Variants in GALNT13 observed in about 807,000 individuals in gnomAD.
The protein encoded by GALNT13 is polypeptide N-acetylgalactosaminyltransferase 13.
In GALNT13, 28 loss-of-function variants were observed where a neutral mutation model predicts 64.2. The observed-to-expected ratio is 0.44, with a 90% CI of 0.32 to 0.60. The LOEUF (loss-of-function observed/expected upper bound fraction) is 0.60. Ranked by LOEUF, GALNT13 falls within the 20% of genes least tolerant of loss-of-function variation. GALNT13 has a pLI of 0.05. For missense variants in GALNT13, 577 were observed against 669.8 expected (o/e 0.86, Z 1.53); for synonymous variants, 214 against 224.6 (o/e 0.95, Z 0.42).
chr2:153,901,913 C>T (rs1267985474), intron 2 of GALNT13, among the ~76,000 whole-genome samples: 4 of 152,098 alleles, frequency 2.6e-5, no homozygotes, highest in Non-Finnish European at 4.4e-5. Flanking sequence ...TCTTGCACTC[C>T]TTTTTAGTTG....
chr2:154,338,865 T>C (rs191187637), intron 9 of GALNT13, among the ~76,000 whole-genome samples: 10 of 152,196 alleles, frequency 6.6e-5, no homozygotes, highest in Admixed American at 6.5e-4. Context: ...AGTTGTCTAC[T>C]ATATCTAGGA....
At chr2:153,678,276 C>A in the GALNT13 span, among the ~76,000 whole-genome samples, 1 of 151,622 alleles carries the variant, frequency 6.6e-6, no homozygotes, top group African/African-American at 2.4e-5. Context: ...ATGGAATCAA[C>A]ATAGGTGTCC....
At chr2:153,294,534 AG>A in the GALNT13 span, among the ~76,000 whole-genome samples, 3 of 152,110 alleles carry the variant, frequency 2.0e-5, no homozygotes, top group African/African-American at 7.2e-5. Context: ...ATTATTTCCA[AG>A]GGGTTGTGCA....
chr2:153,532,982 G>T, the GALNT13 span, among the ~76,000 whole-genome samples: 1 of 152,236 alleles, frequency 6.6e-6, no homozygotes, highest in African/African-American at 2.4e-5. Flanking sequence ...TAATTATTAG[G>T]CATTGCCTGC....
intron 7 of GALNT13, among the ~76,000 whole-genome samples, chr2:154,253,340 T>A (rs1690188875): frequency 6.6e-6 from 1 of 152,202 alleles, no homozygotes; most frequent in African/African-American, 2.4e-5. Flanking sequence ...AATACAGACA[T>A]TACATTTTAG....
At chr2:154,417,282 C>CAAAA (rs35825821) in intron 11 of GALNT13, among the ~76,000 whole-genome samples, 3 of 75,122 alleles carry the variant, frequency 4.0e-5, no homozygotes, top group South Asian at 4.2e-4. Flanking sequence ...AAACAAGCAC[C>CAAAA]AAAAAAAAAA....
In GALNT13 at chr2:154,099,657, G is replaced by A. The variant is rs142492782; in HGVS notation, c.143-40680G>A. Among the ~76,000 whole-genome samples the A allele has an allele frequency of 6.6e-5, 10 of 152,056 alleles. No homozygotes were observed. In the South Asian group the frequency reaches 1.0e-3, roughly 16 times the overall value. ...TGGCTAGCCAATTTTCCCAGCACCGGTCAGGCACGGAGGCTCATACCTGTA... is the reference window on the plus strand; with the variant it reads ...TGGCTAGCCAATTTTCCCAGCACCGATCAGGCACGGAGGCTCATACCTGTA... On this transcript the variant is annotated intron_variant, in intron 3 of 12. Coordinates refer to ENST00000392825, the MANE Select transcript of GALNT13 (RefSeq NM_052917.4).
the GALNT13 span, among the ~76,000 whole-genome samples, chr2:153,249,083 T>A: frequency 2.0e-5 from 3 of 152,184 alleles, no homozygotes; most frequent in Non-Finnish European, 4.4e-5. Context: ...AGAGAGAAAG[T>A]TAAATTATCT....
At chr2:153,135,782 T>C in the GALNT13 span, among the ~76,000 whole-genome samples, 1 of 152,034 alleles carries the variant, frequency 6.6e-6, no homozygotes, top group East Asian at 1.9e-4. Context: ...TTAGGGTATA[T>C]TTGGGGTAAG....
chr2:154,142,244 T>C (rs1683297779), intron 4 of GALNT13, among the ~76,000 whole-genome samples: 1 of 152,096 alleles, frequency 6.6e-6, no homozygotes, highest in Non-Finnish European at 1.5e-5. Context: ...CTTTCTGAAT[T>C]ACTTCATATA....
intron 3 of GALNT13, among the ~76,000 whole-genome samples, chr2:154,107,593 A>AT (rs1239820633): frequency 6.6e-6 from 1 of 151,648 alleles, no homozygotes; most frequent in East Asian, 1.9e-4. Context: ...CATCACAAAA[A>AT]AAAAAAAAAA....
chr2:154,121,941 CCTT>C (rs1341749712), intron 3 of GALNT13, among the ~76,000 whole-genome samples: 4 of 151,958 alleles, frequency 2.6e-5, no homozygotes, highest in African/African-American at 9.7e-5. Context: ...GTGGAGGAAA[CCTT>C]CTAGTCTTTT....
At chr2:153,271,165 A>G in the GALNT13 span, among the ~76,000 whole-genome samples, 1 of 152,186 alleles carries the variant, frequency 6.6e-6, no homozygotes, top group East Asian at 1.9e-4. Context: ...CAAATATCAT[A>G]CTGAATGGGC....
At chr2:153,100,001 T>G in the GALNT13 span, among the ~76,000 whole-genome samples, 1 of 152,148 alleles carries the variant, frequency 6.6e-6, no homozygotes, top group East Asian at 1.9e-4. Context: ...GAAATTGGAT[T>G]GGGAAAAAGA....
chr2:153,882,021 G>A (rs192988468), intron 1 of GALNT13, among the ~76,000 whole-genome samples: 29 of 152,052 alleles, frequency 1.9e-4, no homozygotes, highest in African/African-American at 7.0e-4. Flanking sequence ...TTCAATAGAT[G>A]AGTATCCATT....
intron 2 of GALNT13, among the ~76,000 whole-genome samples, chr2:153,920,790 AC>A (rs1047351613): frequency 7.9e-5 from 12 of 152,204 alleles, no homozygotes; most frequent in African/African-American, 2.9e-4. Flanking sequence ...GAACAAAAAA[AC>A]AACCCATTAA....
intron 11 of GALNT13, among the ~76,000 whole-genome samples, chr2:154,414,781 TG>T (rs753915596): frequency 4.2e-4 from 64 of 152,112 alleles, no homozygotes; most frequent in Non-Finnish European, 7.5e-4. Flanking sequence ...TCTGACTTTT[TG>T]TTTACAGTTT....
chr2:153,875,166 A>G (rs1361238493), intron 1 of GALNT13, among the ~76,000 whole-genome samples: 1 of 152,016 alleles, frequency 6.6e-6, no homozygotes, highest in Non-Finnish European at 1.5e-5. Context: ...AGAATTTCCT[A>G]AAGTACCTGG....
At chr2:153,302,508 C>T in the GALNT13 span, among the ~76,000 whole-genome samples, 1 of 151,954 alleles carries the variant, frequency 6.6e-6, no homozygotes, top group Admixed American at 6.6e-5. Flanking sequence ...TTTTCACATT[C>T]CGTAAGTTGT....
Sources: gnomAD v4.1 joint callset for allele counts (sites outside exome capture counted in the v4.1 genomes callset) on GRCh38, gnomAD v4.1.1 for gene constraint, MANE v1.5 for transcripts, NCBI Gene and HGNC (gene_info 2026-07-23, HGNC 2026-07-21) for gene names.